The following UCKL1 variants were observed in gnomAD, a reference collection of about 807,000 sequenced individuals.
The protein encoded by UCKL1 is uridine-cytidine kinase 1 like 1.
UCKL1 carries 65 observed loss-of-function variants against 59.2 expected under a neutral mutation model. The observed-to-expected ratio is 1.10, with a 90% CI of 0.90 to 1.35. The LOEUF is 1.35. Ranked by LOEUF, UCKL1 falls within the 40% of genes most tolerant of loss-of-function variation. The pLI is 0.00. For missense variants in UCKL1, 703 were observed against 784.3 expected, an observed-to-expected ratio of 0.90 and a Z score of 1.24; for synonymous variants, 410 against 323.1, an observed-to-expected ratio of 1.27 and a Z score of -2.88.
chr20:63,952,520 C>T (rs1190977106), intron 1 of UCKL1, among the ~76,000 whole-genome samples: 3 of 152,180 alleles, frequency 2.0e-5, no homozygotes. Context: ...GGGCCGCTCA[C>T]GGTGGGGAGG....
In UCKL1 at chr20:63,941,273, A is replaced by G; in HGVS notation, c.924-65T>C. ...TTTTCCCAGAGCCCTCCCTCCCCAC[A>G]GGACGGCTGTGCGTCACTGTGAGGG... is the stretch of plus-strand genomic sequence containing the variant. On this transcript the variant is annotated intron_variant, in intron 8 of 14. Coordinates refer to ENST00000354216, the MANE Select transcript of UCKL1 (RefSeq NM_017859.4). The G allele has an allele frequency of 2.1e-6, 3 of 1,454,322 alleles. No individual in the cohort carries two copies. The South Asian group carries it at 4.3e-5, about 21-fold the overall frequency. 90.1% of individuals were successfully genotyped at this position (1,454,322 alleles called of 1,614,324 possible).
At chr20:63,955,463 G>A (rs1054418393) in intron 1 of UCKL1, 1 of 152,274 alleles carries the variant, frequency 6.6e-6, no homozygotes, top group Non-Finnish European at 1.5e-5. Flanking sequence ...ATCCAGCGCA[G>A]CCCATCTCTG....
At chr20:63,945,476 C>T (rs568799040) in intron 5 of UCKL1, among the ~76,000 whole-genome samples, 175 bp downstream of exon 5, 57 of 152,342 alleles carry the variant, frequency 3.7e-4, no homozygotes, top group African/African-American at 1.3e-3. Context: ...CCTTTTGGGG[C>T]CGGCAGATGG....
intron 8 of UCKL1, 51 bp from the exon 9 acceptor site, chr20:63,941,259 C>T: frequency 6.9e-7 from 1 of 1,454,226 alleles, no homozygotes; most frequent in Non-Finnish European, 9.1e-7. Flanking sequence ...TTTCCCAGAG[C>T]CCTCCCTCCC....
intron 1 of UCKL1, among the ~76,000 whole-genome samples, chr20:63,952,701 C>T (rs2057851715): frequency 6.6e-6 from 1 of 152,238 alleles, no homozygotes; most frequent in African/African-American, 2.4e-5. Flanking sequence ...GCAGGTGGGG[C>T]TGTCTGAGGC....
chr20:63,945,629 G>T lies in UCKL1; in HGVS notation c.654+22C>A, dbSNP rs200882065. ...CCAGGGCTGAGATACCAGCGGGGTGGGTATTCCCGGCGGGTGCTTACCTCC... is the reference window on the plus strand; with the variant it reads ...CCAGGGCTGAGATACCAGCGGGGTGTGTATTCCCGGCGGGTGCTTACCTCC... On this transcript the variant is annotated intron_variant, in intron 5 of 14. Transcript: ENST00000354216. 5.0e-6 allele frequency: 8 copies of T among 1,611,718 alleles called. No homozygotes were observed. In the African/African-American group the frequency reaches 1.1e-4, roughly 21 times the overall value.
chr20:63,946,846 G>C (rs937456445), intron 1 of UCKL1, among the ~76,000 whole-genome samples: 1 of 152,092 alleles, frequency 6.6e-6, no homozygotes, highest in Admixed American at 6.6e-5. Flanking sequence ...GGGAGGCCGA[G>C]GCAGGTGGAT....
rs202192057 is a variant in UCKL1 at position 63,945,814 on chromosome 20, C to T, written c.573G>A (p.Lys191=). ...CAGGGCCCTGGCCTACCCAGTCCTT[C>T]TTCCGGCTGTGCGTGGTGAAGTCAT... The part of the protein sequence containing the change: ...PIYDFTTHSR[K]KDWKTLYGAN... Residue 191 remains lysine (K), a synonymous_variant, in exon 4 of 15, where the codon AAG becomes AAA. Coordinates refer to ENST00000354216, the MANE Select transcript of UCKL1 (RefSeq NM_017859.4). 4 of 1,613,616 alleles carry T rather than the reference C, an allele frequency of 2.5e-6. No individual in the cohort carries two copies. Among genetic ancestry groups the T allele is most frequent in the East Asian group, 2.2e-5 (1 of 44,886 alleles).
In UCKL1 at chr20:63,941,148, C is replaced by A; in HGVS notation, c.984G>T (p.Lys328Asn). 6.9e-6 allele frequency: 11 copies of A among 1,590,942 alleles called. No homozygotes were observed. The highest frequency in any genetic ancestry group is 9.4e-6 in the Non-Finnish European group (11 of 1,173,170). Reference sequence around the variant, plus strand: ...GCATGCCCCGTACCTGCGGCGTGCTCTTCAGGACGCTCAGCGTCCGGGGCA... The same window carrying A: ...GCATGCCCCGTACCTGCGGCGTGCTATTCAGGACGCTCAGCGTCCGGGGCA... ...HPLPRTLSVL[K>N]STPQVRGMHT... The change falls in exon 9 of 15, where the codon AAG (lysine) becomes AAT (asparagine). Residue 328 changes from lysine to asparagine, a missense_variant. Lys to Asn is a moderately conservative substitution (Grantham distance 94). Coordinates refer to ENST00000354216, the MANE Select transcript of UCKL1 (RefSeq NM_017859.4).
chr20:63,944,460 T>A lies in UCKL1; in HGVS notation c.845-2A>T. ...CGATGGCCACCGTGTTGCCGCTCCCTGGGGCGGGATGGGGGGGCGGGTGAC... is the reference window on the plus strand; with the variant it reads ...CGATGGCCACCGTGTTGCCGCTCCCAGGGGCGGGATGGGGGGGCGGGTGAC... On this transcript the variant is annotated splice_acceptor_variant, in intron 6 of 14. Coordinates refer to ENST00000354216, the MANE Select transcript of UCKL1 (RefSeq NM_017859.4). LOFTEE classifies it high-confidence loss of function. 1 of 1,002,246 alleles carries A rather than the reference T, an allele frequency of 1.0e-6. No individual in the cohort carries two copies. The highest frequency in any genetic ancestry group is 4.6e-5 in the East Asian group (1 of 21,856). The allele number at this position is 1,002,246 out of a possible 1,614,324, so 62.1% of individuals were successfully genotyped here.
In UCKL1 at chr20:63,946,610, TGGCAGGAGCCTGTCCAGG is replaced by T; in HGVS notation, c.129_146del (p.Leu44_Pro49del). ...GGGGAGAGCGCCCAGTGCCCACAGG[TGGCAGGAGCCTGTCCAGG>T]GACTCTGCATTGCTGCTGCAGAGAG... On this transcript the variant is annotated inframe_deletion, in exon 2 of 15. Coordinates refer to ENST00000354216, the MANE Select transcript of UCKL1 (RefSeq NM_017859.4). 1 of 1,610,342 alleles carries T rather than the reference TGGCAGGAGCCTGTCCAGG, an allele frequency of 6.2e-7. No homozygotes were observed. Among genetic ancestry groups the T allele is most frequent in the Non-Finnish European group, 8.5e-7 (1 of 1,179,830 alleles).
At position 63,944,386 on chromosome 20, in the gene UCKL1, AC is replaced by A; in HGVS notation, c.906+10del. On this transcript the variant is annotated intron_variant, in intron 7 of 14. Transcript: ENST00000354216. ...GGGGGCTAGGCCGTGGGGACGTGGG[AC>A]CCCGCTCACCTCCTCCAGCTGGCTG... is the stretch of plus-strand genomic sequence containing the variant. 6.5e-7 allele frequency: 1 copy of A among 1,539,662 alleles called. No homozygotes were observed. The highest frequency in any genetic ancestry group is 8.8e-7 in the Non-Finnish European group (1 of 1,142,692).
chr20:63,945,524 G>C (rs2055932119), intron 5 of UCKL1, 127 bp downstream of exon 5: 1 of 930,506 alleles, frequency 1.1e-6, no homozygotes, highest in African/African-American at 1.7e-5. Flanking sequence ...GGTTGGGGTA[G>C]GGAGTGGCTG....
At chr20:63,954,770 C>T (rs1245406746) in intron 1 of UCKL1, 2 of 152,302 alleles carry the variant, frequency 1.3e-5, no homozygotes, top group African/African-American at 4.8e-5. Context: ...GGTAACCACA[C>T]CAAAGAAAGA....
chr20:63,945,344 C>G (rs1363929547), intron 5 of UCKL1, among the ~76,000 whole-genome samples: 1 of 150,704 alleles, frequency 6.6e-6, no homozygotes, highest in African/African-American at 2.5e-5. Context: ...AACACACCAG[C>G]CCTGGGTCCT....
Position 63,940,072 on chromosome 20 carries a change from G to C in UCKL1, c.1568-17C>G. ...CAAAGTTCCCTGGAAAAAGGGGGGG[G>C]GGGGTCCAGTGTGGTGGGGCCTCCC... is the stretch of plus-strand genomic sequence containing the variant. On this transcript the variant is annotated splice_polypyrimidine_tract_variant and intron_variant, in intron 14 of 14. Transcript: ENST00000354216. 6.2e-7 allele frequency: 1 copy of C among 1,610,014 alleles called. No individual in the cohort carries two copies. Among genetic ancestry groups the C allele is most frequent in the Non-Finnish European group, 8.5e-7 (1 of 1,179,084 alleles).
In UCKL1 at chr20:63,940,234, C is replaced by T; in HGVS notation, c.1483G>A (p.Ala495Thr). The change falls in exon 14 of 15, where the codon GCC becomes ACC. Residue 495 changes from alanine to threonine, a missense_variant. Around this residue, in one of 4 missense-constraint regions of UCKL1, gnomAD observed 124 missense variants for 161.1 expected, o/e 0.77. Transcript: ENST00000354216. ...ATTCTCACTCGCGGAAATGCATAGG[C>T]CACTGAGTGCACGCCCATCTCTGCC... The part of the protein sequence containing the change: ...LMAEMGVHSV[A>T]YAFPRVRIIT... The T allele has an allele frequency of 1.2e-6, 2 of 1,612,814 alleles. No individual in the cohort carries two copies. The highest frequency in any genetic ancestry group is 1.3e-5 in the African/African-American group (1 of 75,070).
rs746132024 is a variant in UCKL1 at position 63,956,252 on chromosome 20, A to G, written c.113+8T>C. 8 of 1,524,608 alleles carry G rather than the reference A, an allele frequency of 5.2e-6. No homozygotes were observed. In the Admixed American group the frequency reaches 1.7e-4, roughly 32 times the overall value. The allele number at this position is 1,524,608 out of a possible 1,614,324, so 94.4% of individuals were successfully genotyped here. On this transcript the variant is annotated splice_region_variant and intron_variant, in intron 1 of 14. Coordinates refer to ENST00000354216, the MANE Select transcript of UCKL1 (RefSeq NM_017859.4). Reference sequence around the variant, plus strand: ...CGCCAGTGGAGTGGAGGCGAGGCCCACGCCTACCGGTCCTCGCACGCGGTC... The same window carrying G: ...CGCCAGTGGAGTGGAGGCGAGGCCCGCGCCTACCGGTCCTCGCACGCGGTC...
At chr20:63,955,993 G>A (rs2058582401) in intron 1 of UCKL1, 3 of 334,684 alleles carry the variant, frequency 9.0e-6, no homozygotes, top group Admixed American at 5.2e-5. Context: ...ACCCACCGGG[G>A]GCAGAGACCA....
Sources: allele counts gnomAD v4.1 joint callset (sites outside exome capture counted in the v4.1 genomes callset), GRCh38; gene constraint gnomAD v4.1.1; regional missense constraint gnomAD v4.1.1; transcripts MANE v1.5; gene names NCBI Gene and HGNC (gene_info 2026-07-23, HGNC 2026-07-21).